EDARADD: variants seen among roughly 807,000 people sequenced by gnomAD.
The protein encoded by EDARADD is ectodysplasin-A receptor-associated adapter protein.
Under a neutral mutation model 25.6 loss-of-function variants are expected in EDARADD, and 20 were observed. That is an observed-to-expected ratio of 0.78 (90% confidence interval 0.55 to 1.14). The LOEUF is 1.14. Ranked by LOEUF, EDARADD falls within the 50% of genes most tolerant of loss-of-function variation. The pLI is 0.00. For synonymous variants in EDARADD, 86 were observed against 94.4 expected (o/e 0.91, Z 0.52); for missense variants, 225 against 270.1 (o/e 0.83, Z 1.17).
In EDARADD at chr1:236,482,815, G is replaced by C. The variant is rs1046804913; in HGVS notation, c.*166G>C. On this transcript the variant is annotated 3_prime_UTR_variant, in exon 6 of 6. Transcript: ENST00000334232. Reference sequence around the variant, plus strand: ...TTGTGGAGGGGTAGCTTGTTTCGGTGGTGGATCTCTGTTTATTTTTGCACA... The same window carrying C: ...TTGTGGAGGGGTAGCTTGTTTCGGTCGTGGATCTCTGTTTATTTTTGCACA... 2 of 839,282 alleles carry C rather than the reference G, an allele frequency of 2.4e-6. No individual in the cohort carries two copies. The highest frequency in any genetic ancestry group is 2.7e-5 in the East Asian group (1 of 37,730). 52.0% of individuals were successfully genotyped at this position (839,282 alleles called of 1,614,324 possible). A position where few individuals can be genotyped will look rare whatever the true frequency, so the allele number is the denominator to read the frequency against.
At chr1:236,424,273 C>T (rs1657853836) in intron 3 of EDARADD, among the ~76,000 whole-genome samples, 1 of 150,928 alleles carries the variant, frequency 6.6e-6, no homozygotes, top group Admixed American at 6.6e-5. Context: ...GTGATCCTCC[C>T]ACCTCAGCCT....
intron 3 of EDARADD, 89 bp downstream of exon 3, chr1:236,414,388 A>C: frequency 9.3e-7 from 1 of 1,078,198 alleles, no homozygotes; most frequent in Non-Finnish European, 1.4e-6. Flanking sequence ...CATTATTTAA[A>C]ATTGTAAAGT....
chr1:236,354,771 A>C (rs556599541), intron 3 of EDARADD, among the ~76,000 whole-genome samples: 1 of 152,260 alleles, frequency 6.6e-6, no homozygotes, highest in African/African-American at 2.4e-5. Flanking sequence ...CTGCACACAC[A>C]AATTATCTCT....
chr1:236,365,149 C>CT (rs1553262383), intron 3 of EDARADD, among the ~76,000 whole-genome samples: 22,900 of 150,126 alleles, frequency 0.15, 2,193 homozygotes, highest in East Asian at 0.42. Flanking sequence ...GTTTTCTTTT[C>CT]TTTTTTTTTT....
intron 5 of EDARADD, among the ~76,000 whole-genome samples, chr1:236,475,630 G>T (rs529880531): frequency 1.3e-5 from 2 of 152,014 alleles, no homozygotes; most frequent in African/African-American, 4.8e-5. Context: ...TGGCAGTAGT[G>T]GCAGGCGCCT....
chr1:236,449,400 G>A (rs113962057), intron 4 of EDARADD, among the ~76,000 whole-genome samples: 5 of 152,270 alleles, frequency 3.3e-5, no homozygotes, highest in South Asian at 2.1e-4. Flanking sequence ...AATTTGTCTC[G>A]AAATCTGATA....
At chr1:236,383,071 G>C (rs1459457218) in intron 3 of EDARADD, among the ~76,000 whole-genome samples, 2 of 152,094 alleles carry the variant, frequency 1.3e-5, no homozygotes, top group African/African-American at 2.4e-5. Context: ...CTCTGTCTGA[G>C]TGTCCTTTCT....
chr1:236,428,873 T>C (rs2103016931), intron 4 of EDARADD, among the ~76,000 whole-genome samples: 2 of 152,040 alleles, frequency 1.3e-5, no homozygotes, highest in Non-Finnish European at 2.9e-5. Context: ...CGAGACTCTG[T>C]CTGCAATCCC....
At chr1:236,481,770 C>A (rs1277064309) in intron 5 of EDARADD, among the ~76,000 whole-genome samples, 2 of 131,306 alleles carry the variant, frequency 1.5e-5, no homozygotes, top group African/African-American at 5.7e-5. Context: ...CAGAGTGACA[C>A]CCTGTATCAA....
chr1:236,482,728 T>G lies in EDARADD; in HGVS notation c.*79T>G. 6.3e-7 allele frequency: 1 copy of G among 1,595,832 alleles called. No homozygotes were observed. The highest frequency in any genetic ancestry group is 1.3e-5 in the African/African-American group (1 of 74,870). On this transcript the variant is annotated 3_prime_UTR_variant, in exon 6 of 6. Transcript: ENST00000334232. ...AAGAAGGAATGTGAATCTGTTGTTT[T>G]ATAAGAGTTTAGGACAAGGACGTGG...
At chr1:236,349,524 C>A (rs1666889641) in intron 2 of EDARADD, among the ~76,000 whole-genome samples, 1 of 141,234 alleles carries the variant, frequency 7.1e-6, no homozygotes, top group South Asian at 2.2e-4. Flanking sequence ...AAAGGCGGGA[C>A]AACTCAAAGC....
chr1:236,464,259 T>C (rs1297029258), intron 4 of EDARADD, among the ~76,000 whole-genome samples: 1 of 150,866 alleles, frequency 6.6e-6, no homozygotes, highest in Non-Finnish European at 1.5e-5. Context: ...TATTATTTTT[T>C]TTTTTTTGGA....
At chr1:236,480,577 T>C (rs1325282396) in intron 5 of EDARADD, among the ~76,000 whole-genome samples, 1 of 152,126 alleles carries the variant, frequency 6.6e-6, no homozygotes, top group Non-Finnish European at 1.5e-5. Context: ...CTTCCGAAAC[T>C]GGGAAGGCCA....
intron 2 of EDARADD, among the ~76,000 whole-genome samples, chr1:236,411,622 C>T (rs897914635): frequency 1.3e-5 from 2 of 151,538 alleles, no homozygotes; most frequent in African/African-American, 2.4e-5. Flanking sequence ...GATCTCGGCT[C>T]ACTGCAACCT....
Position 236,469,018 on chromosome 1 carries a change from G to A in EDARADD, c.265+742G>A, listed in dbSNP as rs114629263. Among the ~76,000 whole-genome samples, 830 of 152,296 alleles carry A rather than the reference G, an allele frequency of 5.4e-3. 13 individuals are homozygous for A. Among genetic ancestry groups the A allele is most frequent in the African/African-American group, 0.019 (799 of 41,548 alleles). Reference sequence around the variant, plus strand: ...GAGCCCTCCTGACATTAGGTCAGGTGTTAGTCCCTCTCCTTTTCTGCTTTT... The same window carrying A: ...GAGCCCTCCTGACATTAGGTCAGGTATTAGTCCCTCTCCTTTTCTGCTTTT... On this transcript the variant is annotated intron_variant, in intron 5 of 5. Coordinates refer to ENST00000334232, the MANE Select transcript of EDARADD (RefSeq NM_145861.4).
Position 236,374,078 on chromosome 1 carries a change from C to A in EDARADD, c.-6+23239C>A, listed in dbSNP as rs530700089. Among the ~76,000 whole-genome samples the A allele has an allele frequency of 3.9e-5, 6 of 152,074 alleles. No individual in the cohort carries two copies. The South Asian group carries it at 8.3e-4, about 21-fold the overall frequency. On this transcript the variant is annotated intron_variant, in intron 3 of 7. Coordinates refer to the EDARADD transcript ENST00000439430. Reference sequence around the variant, plus strand: ...AAATTTGTTGTGGTGTGTTTATGACCAAGTCTGTTTGCTATCTTGGTGAAT... The same window carrying A: ...AAATTTGTTGTGGTGTGTTTATGACAAAGTCTGTTTGCTATCTTGGTGAAT...
intron 4 of EDARADD, among the ~76,000 whole-genome samples, chr1:236,447,206 TTCTTTCTTTCTTTCTTTC>T (rs1658576288): frequency 2.1e-5 from 1 of 47,444 alleles, no homozygotes; most frequent in Admixed American, 2.3e-4. Flanking sequence ...CTTTCTTTCT[TTCTTTCTTTCTTTCTTTC>T]CTTTCTTTCC....
intron 2 of EDARADD, 115 bp downstream of exon 2, chr1:236,409,389 A>G (rs1013480232): frequency 1.3e-6 from 1 of 790,152 alleles, no homozygotes; most frequent in East Asian, 2.6e-5. Flanking sequence ...CCCCAAAGTA[A>G]GATTTTTCTA....
intron 3 of EDARADD, among the ~76,000 whole-genome samples, chr1:236,372,102 G>A (rs1289295611): frequency 6.6e-6 from 1 of 151,658 alleles, no homozygotes; most frequent in East Asian, 1.9e-4. Flanking sequence ...GACTACAGGT[G>A]TGTGCCATCA....
Sources: allele counts gnomAD v4.1 joint callset (sites outside exome capture counted in the v4.1 genomes callset), GRCh38; gene constraint gnomAD v4.1.1; transcripts MANE v1.5; gene names NCBI Gene and HGNC (gene_info 2026-07-23, HGNC 2026-07-21).